The following KIR2DL3 variants were observed in gnomAD, a reference collection of about 807,000 sequenced individuals.
KIR2DL3 encodes killer cell immunoglobulin like receptor, two Ig domains and long cytoplasmic tail 3.
In KIR2DL3, 39 loss-of-function variants were observed where a neutral mutation model predicts 33.8. The observed-to-expected ratio is 1.15, with a 90% CI of 0.89 to 1.51. The LOEUF is 1.51. Ranked by LOEUF, KIR2DL3 falls within the 40% of genes most tolerant of loss-of-function variation. The pLI is 0.00. For synonymous variants in KIR2DL3, 174 were observed against 160.2 expected (o/e 1.09, Z -0.65); for missense variants, 462 against 426.2 (o/e 1.08, Z -0.74).
rs1335395667 is a variant in KIR2DL3, at chr19:54,744,888, A to ATG, written c.664+801_664+802insGT. Among the ~76,000 whole-genome samples the ATG allele has an allele frequency of 9.7e-3, 504 of 51,816 alleles. 2 individuals are homozygous for ATG. The highest frequency in any genetic ancestry group is 0.036 in the African/African-American group (476 of 13,106). 34.0% of individuals were successfully genotyped at this position (51,816 alleles called of 152,430 possible). A position where few individuals can be genotyped will look rare whatever the true frequency, so the allele number is the denominator to read the frequency against. On this transcript the variant is annotated intron_variant, in intron 4 of 7. Coordinates refer to ENST00000342376, the MANE Select transcript of KIR2DL3 (RefSeq NM_015868.3). ...AATACATTTATATATATATATATAT[A>ATG]TATATATATACACACACACACACAT...
intron 4 of KIR2DL3, among the ~76,000 whole-genome samples, chr19:54,747,089 T>C (rs370540850): frequency 0.098 from 9,911 of 101,504 alleles, 574 homozygotes; most frequent in Middle Eastern, 0.19. Flanking sequence ...GTGATGCTGT[T>C]TTGCTTACTA....
At chr19:54,742,879 G>C (rs1302518309) in intron 3 of KIR2DL3, among the ~76,000 whole-genome samples, 2 of 151,400 alleles carry the variant, frequency 1.3e-5, no homozygotes, top group Non-Finnish European at 2.9e-5. Context: ...TCACTGAGAG[G>C]CACAGAGAAA....
Position 54,738,516 on chromosome 19 carries a change from G to A in KIR2DL3, c.-30G>A, listed in dbSNP as rs750469223. The A allele has an allele frequency of 8.1e-6, 13 of 1,614,068 alleles. No homozygotes were observed. The East Asian group carries it at 2.9e-4, about 36-fold the overall frequency. On this transcript the variant is annotated 5_prime_UTR_variant, in exon 1 of 8. Transcript: ENST00000342376. ...CTGTGCGCTGCTGAGCTGAGCTGGG[G>A]CGCGGCCGCCTGTCTGCACAGACAG...
Position 54,746,793 on chromosome 19 carries a change from G to C in KIR2DL3, c.665-542G>C, listed in dbSNP as rs371818404. The stretch of plus-strand genomic sequence containing the variant: ...AGGCCAGGAGTTCAAGATTAGTCTG[G>C]CCGACGTGATGAAACATTGTCTCCA... On this transcript the variant is annotated intron_variant, in intron 4 of 7. Transcript: ENST00000342376. Among the ~76,000 whole-genome samples the C allele has an allele frequency of 9.0e-4, 135 of 149,968 alleles. 2 individuals carry two copies. The highest frequency in any genetic ancestry group is 6.9e-3 in the Middle Eastern group (2 of 290).
intron 3 of KIR2DL3, among the ~76,000 whole-genome samples, chr19:54,742,502 G>C (rs1484358021): frequency 6.6e-6 from 1 of 152,052 alleles, no homozygotes; most frequent in East Asian, 1.9e-4. Context: ...AGTTAGAAAA[G>C]ACAGAAAGAG....
At chr19:54,742,465 G>C (rs1293139621) in intron 3 of KIR2DL3, among the ~76,000 whole-genome samples, 186 bp downstream of exon 3, 1 of 151,608 alleles carries the variant, frequency 6.6e-6, no homozygotes, top group African/African-American at 2.4e-5. Flanking sequence ...TGTCATAACA[G>C]AGGACAGACA....
At chr19:54,741,420 C>T (rs1429731518) in intron 2 of KIR2DL3, among the ~76,000 whole-genome samples, 2 of 151,852 alleles carry the variant, frequency 1.3e-5, no homozygotes, top group East Asian at 3.9e-4. Context: ...GATGATGATG[C>T]CACCACCAGG....
intron 5 of KIR2DL3, among the ~76,000 whole-genome samples, chr19:54,748,543 G>C (rs1193685599): frequency 6.8e-6 from 1 of 147,920 alleles, no homozygotes; most frequent in Admixed American, 7.0e-5. Context: ...TTAAATGGGA[G>C]GGCAGAAAAT....
intron 2 of KIR2DL3, 85 bp from the exon 3 acceptor site, chr19:54,741,895 G>A (rs1245788496): frequency 3.7e-6 from 5 of 1,342,842 alleles, no homozygotes; most frequent in Non-Finnish European, 5.2e-6. Flanking sequence ...ACAGACACCA[G>A]CAAGGGGAAG....
At chr19:54,749,157 T>A (rs2073043877) in intron 5 of KIR2DL3, among the ~76,000 whole-genome samples, 1 of 150,430 alleles carries the variant, frequency 6.6e-6, no homozygotes, top group Non-Finnish European at 1.5e-5. Context: ...GTGGGGAGAA[T>A]GACAAGACGA....
At position 54,739,413 on chromosome 19, in the gene KIR2DL3, G is replaced by A; in HGVS notation, c.35-94G>A. ...GGTGAGTTTAACTTCAGCCCAGGAA[G>A]GGCCTGGCTGCCAAGACTCACAGCC... is the stretch of plus-strand genomic sequence containing the variant. On this transcript the variant is annotated intron_variant, in intron 1 of 7. Coordinates refer to ENST00000342376, the MANE Select transcript of KIR2DL3 (RefSeq NM_015868.3). 4 of 1,599,628 alleles carry A rather than the reference G, an allele frequency of 2.5e-6. No homozygotes were observed. In the South Asian group the frequency reaches 3.3e-5, roughly 13 times the overall value.
chr19:54,745,610 C>T lies in KIR2DL3; in HGVS notation c.664+1522C>T, dbSNP rs1406837986. ...AACTCATGACCTCAACTGAGGTGCC[C>T]GCCTCGGTCTCCCAAAGTGCCGGGA... On this transcript the variant is annotated intron_variant, in intron 4 of 7. Transcript: ENST00000342376. 4.7e-5 allele frequency among the ~76,000 whole-genome samples: 7 copies of T among 150,244 alleles called. No homozygotes were observed. In the Admixed American group the frequency reaches 4.7e-4, roughly 10 times the overall value.
In KIR2DL3 at chr19:54,752,246, G is replaced by A; in HGVS notation, c.851G>A (p.Gly284Glu). The change falls in exon 7 of 8, where the codon GGG (glycine) becomes GAG (glutamate). Residue 284 changes from glycine (G) to glutamate (E), a missense_variant. Physicochemically the swap from Gly to Glu is moderately conservative, Grantham distance 98. Transcript: ENST00000342376. Reference protein sequence around the residue: ...NAVVMDQEPAGNRTVNREDSD... With the variant: ...NAVVMDQEPAENRTVNREDSD... ...GTTGTAATGGACCAAGAGCCTGCAGGGAACAGAACAGTGAACAGGGAGGTA... is the reference window on the plus strand; with the variant it reads ...GTTGTAATGGACCAAGAGCCTGCAGAGAACAGAACAGTGAACAGGGAGGTA... 2 of 1,477,712 alleles carry A rather than the reference G, an allele frequency of 1.4e-6. No individual in the cohort carries two copies. The highest frequency in any genetic ancestry group is 9.2e-7 in the Non-Finnish European group (1 of 1,083,562). 91.5% of individuals were successfully genotyped at this position (1,477,712 alleles called of 1,614,324 possible). A position where few individuals can be genotyped will look rare whatever the true frequency, so the allele number is the denominator to read the frequency against.
chr19:54,747,493 T>C (rs1489267785), intron 5 of KIR2DL3, 108 bp downstream of exon 5: 34 of 1,401,390 alleles, frequency 2.4e-5, no homozygotes, highest in Non-Finnish European at 3.3e-5. Flanking sequence ...TACGCCTGTC[T>C]TCTACCATCT....
At chr19:54,740,738 T>G (rs1217384470) in intron 2 of KIR2DL3, among the ~76,000 whole-genome samples, 1 of 151,878 alleles carries the variant, frequency 6.6e-6, no homozygotes, top group Non-Finnish European at 1.5e-5. Flanking sequence ...TACATTCTAA[T>G]CCCTGGAGTC....
intron 4 of KIR2DL3, among the ~76,000 whole-genome samples, chr19:54,744,948 A>ATTT (rs2072164995): frequency 3.8e-5 from 1 of 26,256 alleles, no homozygotes; most frequent in Non-Finnish European, 7.4e-5. Context: ...ATATATATAT[A>ATTT]TATATATTTT....
At chr19:54,744,956 T>A (rs8110663) in intron 4 of KIR2DL3, among the ~76,000 whole-genome samples, 1,016 of 19,352 alleles carry the variant, frequency 0.053, 1 homozygote, top group Non-Finnish European at 0.069. Flanking sequence ...ATATATATAT[T>A]TTTTTTTTTT....
At chr19:54,740,768 G>A (rs1273949672) in intron 2 of KIR2DL3, among the ~76,000 whole-genome samples, 14 of 152,078 alleles carry the variant, frequency 9.2e-5, no homozygotes, top group Non-Finnish European at 1.3e-4. Flanking sequence ...TTATGTTATA[G>A]GGGAAGGGAC....
chr19:54,743,082 T>G (rs1314771792), intron 3 of KIR2DL3, among the ~76,000 whole-genome samples: 2 of 151,166 alleles, frequency 1.3e-5, no homozygotes, highest in East Asian at 1.9e-4. Context: ...AACATGGAGA[T>G]GTGGGGATGA....
Sources: gnomAD v4.1 joint callset for allele counts (sites outside exome capture counted in the v4.1 genomes callset) on GRCh38, gnomAD v4.1.1 for gene constraint, MANE v1.5 for transcripts, NCBI Gene and HGNC (gene_info 2026-07-23, HGNC 2026-07-21) for gene names.